Variants in ACSBG1 observed in about 807,000 individuals in gnomAD.
ACSBG1 encodes the protein long-chain-fatty-acid--CoA ligase ACSBG1.
A neutral mutation model predicts 80.2 loss-of-function variants in ACSBG1; 39 were observed. The observed-to-expected ratio is 0.49, with a 90% CI of 0.38 to 0.64. The LOEUF (loss-of-function observed/expected upper bound fraction) is 0.64, where lower values mean the gene tolerates loss of function less well. ACSBG1 is among the 30% of genes least tolerant of loss of function. ACSBG1 has a pLI of 0.00. For synonymous variants in ACSBG1, 392 were observed against 379.5 expected (o/e 1.03, Z -0.38); for missense variants, 828 against 966.4 (o/e 0.86, Z 1.90).
intron 1 of ACSBG1, among the ~76,000 whole-genome samples, chr15:78,215,733 A>G (rs991029060): frequency 7.3e-4 from 72 of 99,264 alleles, no homozygotes; most frequent in Middle Eastern, 5.7e-3. Context: ...AGAGAAAGAA[A>G]GAAAGAAAGA....
chr15:78,207,510 C>T (rs572027947), intron 2 of ACSBG1, among the ~76,000 whole-genome samples: 1 of 151,906 alleles, frequency 6.6e-6, no homozygotes, highest in African/African-American at 2.4e-5. Flanking sequence ...CTCTGCCTTC[C>T]TTAAGGCACA....
chr15:78,217,800 C>T (rs555593754), intron 1 of ACSBG1, among the ~76,000 whole-genome samples: 5 of 152,150 alleles, frequency 3.3e-5, no homozygotes, highest in Non-Finnish European at 7.4e-5. Flanking sequence ...CTCCTGACCT[C>T]GTGATCCGCC....
chr15:78,232,150 C>T (rs2075451769), intron 1 of ACSBG1, among the ~76,000 whole-genome samples: 1 of 152,324 alleles, frequency 6.6e-6, no homozygotes, highest in Admixed American at 6.5e-5. Context: ...GCTTTGAAAA[C>T]ATTTTCATAC....
At chr15:78,225,330 G>T (rs1233723651) in intron 1 of ACSBG1, among the ~76,000 whole-genome samples, 1 of 151,614 alleles carries the variant, frequency 6.6e-6, no homozygotes, top group Non-Finnish European at 1.5e-5. Flanking sequence ...GAACCTGGGA[G>T]GCAGAGATTG....
intron 4 of ACSBG1, 62 bp from the exon 5 acceptor site, chr15:78,193,688 A>T (rs1304429775): frequency 8.8e-7 from 1 of 1,130,706 alleles, no homozygotes; most frequent in Non-Finnish European, 1.1e-6. Flanking sequence ...CCCTTCCCCC[A>T]CCCCCACATC....
intron 1 of ACSBG1, among the ~76,000 whole-genome samples, chr15:78,219,380 C>G (rs1355815450): frequency 6.9e-6 from 1 of 144,572 alleles, no homozygotes; most frequent in African/African-American, 2.6e-5. Context: ...GCATTCCAGC[C>G]TGGGTGACAG....
chr15:78,177,315 T>G lies in ACSBG1; in HGVS notation c.1702+1299A>C, dbSNP rs2074892059. ...AATAGACCAAGGGAACAGAATAGAG[T>G]CCACACATAGACCTCTCATAGACAG... On this transcript the variant is annotated intron_variant, in intron 11 of 13. Transcript: ENST00000258873. The surrounding 1 kb of genome is among the most constrained non-coding windows in gnomAD (Gnocchi z 4.1). Among the ~76,000 whole-genome samples the G allele has an allele frequency of 6.6e-6, 1 of 151,848 alleles. No individual in the cohort carries two copies. Among genetic ancestry groups the G allele is most frequent in the Non-Finnish European group, 1.5e-5 (1 of 67,972 alleles).
chr15:78,226,802 A>AATATATATAATAT (rs1555434839), intron 1 of ACSBG1, among the ~76,000 whole-genome samples: 4 of 141,332 alleles, frequency 2.8e-5, no homozygotes, highest in African/African-American at 7.8e-5. Flanking sequence ...ATATATATAT[A>AATATATATAATAT]ATATATATAT....
intron 2 of ACSBG1, among the ~76,000 whole-genome samples, chr15:78,206,517 C>G (rs1228038983): frequency 6.6e-6 from 1 of 152,190 alleles, no homozygotes; most frequent in East Asian, 1.9e-4. Context: ...CCACCTTGGC[C>G]GTCCCTGCCA....
In ACSBG1 at chr15:78,168,159, G is replaced by A. The variant is rs538982045; in HGVS notation, c.*3285C>T. Reference sequence around the variant, plus strand: ...GTTAATGATTTAGGCAGGTGTGGTGGTGCATGCCTGTAGTTGCAGCTATAG... The same window carrying A: ...GTTAATGATTTAGGCAGGTGTGGTGATGCATGCCTGTAGTTGCAGCTATAG... On this transcript the variant is annotated 3_prime_UTR_variant, in exon 14 of 14. Coordinates refer to ENST00000258873, the MANE Select transcript of ACSBG1 (RefSeq NM_015162.5). 8.5e-5 allele frequency: 13 copies of A among 152,146 alleles called. No individual in the cohort carries two copies. The East Asian group carries it at 2.3e-3, about 27-fold the overall frequency. 9.4% of individuals were successfully genotyped at this position (152,146 alleles called of 1,614,324 possible).
chr15:78,185,291 T>A (rs1225702663), intron 5 of ACSBG1, among the ~76,000 whole-genome samples: 1 of 152,168 alleles, frequency 6.6e-6, no homozygotes, highest in African/African-American at 2.4e-5. Context: ...GGAAGACCAA[T>A]GACCAGGGCT....
chr15:78,184,359 T>A (rs34128727), intron 5 of ACSBG1, among the ~76,000 whole-genome samples: 38,437 of 151,882 alleles, frequency 0.25, 5,772 homozygotes, highest in Non-Finnish European at 0.35. Flanking sequence ...CTTTTTTTTT[T>A]TGTAGAGACA....
chr15:78,187,389 C>G (rs1427359852), intron 5 of ACSBG1, among the ~76,000 whole-genome samples: 1 of 152,074 alleles, frequency 6.6e-6, no homozygotes, highest in Non-Finnish European at 1.5e-5. Flanking sequence ...AATTTTAGAC[C>G]AATATCCTTG....
chr15:78,203,611 C>A (rs1266682515), intron 2 of ACSBG1, among the ~76,000 whole-genome samples: 1 of 152,200 alleles, frequency 6.6e-6, no homozygotes, highest in Non-Finnish European at 1.5e-5. Context: ...GGCCACTGGG[C>A]AGGCAGGGAG....
intron 1 of ACSBG1, among the ~76,000 whole-genome samples, chr15:78,221,924 T>C (rs1453202160): frequency 6.6e-6 from 1 of 152,194 alleles, no homozygotes; most frequent in Admixed American, 6.5e-5. Context: ...AGTCACAGAT[T>C]AACAGCATCT....
intron 2 of ACSBG1, 104 bp from the exon 3 acceptor site, chr15:78,194,830 T>A: frequency 8.3e-7 from 1 of 1,211,630 alleles, no homozygotes; most frequent in Non-Finnish European, 1.2e-6. Context: ...ATGCCTTGGG[T>A]CCTCGGCCTT....
At chr15:78,180,228 A>G (rs1822437365) in intron 9 of ACSBG1, among the ~76,000 whole-genome samples, 1 of 152,242 alleles carries the variant, frequency 6.6e-6, no homozygotes, top group African/African-American at 2.4e-5. Flanking sequence ...AGATATGTGC[A>G]CACATCTCAT....
Position 78,197,599 on chromosome 15 carries a change from A to G in ACSBG1, c.233-2873T>C, listed in dbSNP as rs138867658. On this transcript the variant is annotated intron_variant, in intron 2 of 13. Transcript: ENST00000258873. Reference sequence around the variant, plus strand: ...CTGGTGGTGGTGGTGCACATCTGTAATCCCAACTACTTGGGAAGCTGAGGC... The same window carrying G: ...CTGGTGGTGGTGGTGCACATCTGTAGTCCCAACTACTTGGGAAGCTGAGGC... Among the ~76,000 whole-genome samples, 269 of 151,748 alleles carry G rather than the reference A, an allele frequency of 1.8e-3. 3 individuals are homozygous for G. Among genetic ancestry groups the G allele is most frequent in the Admixed American group, 0.013 (191 of 15,230 alleles).
At chr15:78,200,701 A>G (rs867060695) in intron 2 of ACSBG1, among the ~76,000 whole-genome samples, 1 of 151,980 alleles carries the variant, frequency 6.6e-6, no homozygotes. Context: ...AAGGACTATC[A>G]TGCCTCCCGC....
Sources: gnomAD v4.1 joint callset for allele counts (sites outside exome capture counted in the v4.1 genomes callset) on GRCh38, gnomAD v4.1.1 for gene constraint, Gnocchi (gnomAD v3.1) non-coding constraint, MANE v1.5 for transcripts, NCBI Gene and HGNC (gene_info 2026-07-23, HGNC 2026-07-21) for gene names.